The following MTMR3 variants were observed in gnomAD, a reference collection of about 807,000 sequenced individuals.
MTMR3 encodes myotubularin related protein 3.
A neutral mutation model predicts 132.4 loss-of-function variants in MTMR3; 32 were observed. That is an observed-to-expected ratio of 0.24 (90% CI 0.18 to 0.32). MTMR3 has a LOEUF of 0.32. Ranked by LOEUF, MTMR3 falls within the 10% of genes least tolerant of loss-of-function variation. The probability of loss-of-function intolerance (pLI) is 1.00; values close to 1 mark genes in which losing one functional copy is unlikely to be tolerated. For missense variants in MTMR3, 1,216 were observed against 1,489.6 expected (o/e 0.82, Z 3.02); for synonymous variants, 556 against 550.3 (o/e 1.01, Z -0.14).
intron 13 of MTMR3, 169 bp downstream of exon 13, chr22:30,012,732 T>C: frequency 1.6e-6 from 1 of 614,854 alleles, no homozygotes; most frequent in Non-Finnish European, 2.7e-6. Context: ...CTCCCACAGT[T>C]CTTGCACCTC....
chr22:30,013,457 C>T lies in MTMR3; in HGVS notation c.1419C>T (p.Cys473=). 2 of 1,614,146 alleles carry T rather than the reference C, an allele frequency of 1.2e-6. No individual in the cohort carries two copies. The highest frequency in any genetic ancestry group is 2.2e-5 in the South Asian group (2 of 91,076). Residue 473 remains cysteine (C), a synonymous_variant, in exon 14 of 20, where the codon TGC becomes TGT. Transcript: ENST00000401950. ...ACTCGGATGATCTGAATGAACGTTG[C>T]CCAGTGTTTCTGCAGTGGCTTGACT... ...GENSDDLNER[C]PVFLQWLDCV...
intron 1 of MTMR3, among the ~76,000 whole-genome samples, chr22:29,910,212 C>A (rs2065183599): frequency 6.6e-6 from 1 of 151,760 alleles, no homozygotes; most frequent in South Asian, 2.1e-4. Flanking sequence ...TAGGTACCCA[C>A]ACACCACTGA....
intron 1 of MTMR3, among the ~76,000 whole-genome samples, chr22:29,935,225 A>C (rs867605322): frequency 6.6e-5 from 10 of 152,214 alleles, no homozygotes; most frequent in South Asian, 2.1e-4. Context: ...TGGTAGAGCT[A>C]ATATGTATGT....
chr22:29,884,067 C>T (rs761453572), intron 1 of MTMR3, among the ~76,000 whole-genome samples: 1 of 152,256 alleles, frequency 6.6e-6, no homozygotes, highest in Non-Finnish European at 1.5e-5. Context: ...GACTGGAAAA[C>T]TTATGTCAAA....
chr22:30,019,234 T>C lies in MTMR3; in HGVS notation c.1821-246T>C, dbSNP rs74831915. ...AAAAAAAAAAGAAAATAGCACTTGC[T>C]GTTAGCTCATTTGTATGTATGGGGC... On this transcript the variant is annotated intron_variant, in intron 16 of 19. Transcript: ENST00000401950. 2.4e-5 allele frequency: 10 copies of C among 423,952 alleles called. 1 individual carries two copies. The South Asian group carries it at 5.1e-4, about 22-fold the overall frequency. The allele number at this position is 423,952 out of a possible 1,614,324, so 26.3% of individuals were successfully genotyped here. A position where few individuals can be genotyped will look rare whatever the true frequency, so the allele number is the denominator to read the frequency against.
rs115657221 is a variant in MTMR3, at chr22:30,022,184, T to G, written c.3336+45T>G. 1,919 of 1,491,806 alleles carry G rather than the reference T, an allele frequency of 1.3e-3. 16 individuals carry two copies. In the African/African-American group the frequency reaches 0.022, roughly 17 times the overall value. The allele number at this position is 1,491,806 out of a possible 1,614,324, so 92.4% of individuals were successfully genotyped here. ...TCTGAGTGCCATCAATTTAACTGTT[T>G]TGTGGTTCTTCTCCACCCCCATTCC... On this transcript the variant is annotated intron_variant, in intron 18 of 19. Coordinates refer to ENST00000401950, the MANE Select transcript of MTMR3 (RefSeq NM_021090.4).
intron 1 of MTMR3, among the ~76,000 whole-genome samples, chr22:29,952,133 T>C (rs1361182697): frequency 6.6e-6 from 1 of 152,156 alleles, no homozygotes; most frequent in African/African-American, 2.4e-5. Flanking sequence ...TGAAGCCATC[T>C]ACCCGCCTTG....
intron 1 of MTMR3, among the ~76,000 whole-genome samples, chr22:29,893,549 A>C (rs1307085744): frequency 6.6e-6 from 1 of 152,206 alleles, no homozygotes; most frequent in African/African-American, 2.4e-5. Flanking sequence ...TTTCTTGTAC[A>C]TATGGTTGAC....
chr22:30,029,003 G>C lies in MTMR3; in HGVS notation c.*3202G>C, dbSNP rs931694626. ...CAAATTAAAACACTGGCATGGCCTA[G>C]GAAGGGCGTTGCGAGCTCCTAAATG... On this transcript the variant is annotated 3_prime_UTR_variant, in exon 20 of 20. Coordinates refer to ENST00000401950, the MANE Select transcript of MTMR3 (RefSeq NM_021090.4). 1 of 152,426 alleles carries C rather than the reference G, an allele frequency of 6.6e-6. No homozygotes were observed. Among genetic ancestry groups the C allele is most frequent in the Non-Finnish European group, 1.5e-5 (1 of 68,088 alleles). The allele number at this position is 152,426 out of a possible 1,614,324, so 9.4% of individuals were successfully genotyped here. A position where few individuals can be genotyped will look rare whatever the true frequency, so the allele number is the denominator to read the frequency against.
At position 30,029,586 on chromosome 22, in the gene MTMR3, C is replaced by T. The variant is rs1396626156; in HGVS notation, c.*3785C>T. The T allele has an allele frequency of 6.6e-6, 1 of 152,246 alleles. No homozygotes were observed. Among genetic ancestry groups the T allele is most frequent in the Non-Finnish European group, 1.5e-5 (1 of 68,026 alleles). The allele number at this position is 152,246 out of a possible 1,614,324, so 9.4% of individuals were successfully genotyped here. Reference sequence around the variant, plus strand: ...TGCTTGCACATGAGGCTGGGAGATCCCATGCCTGTTGAAGTTAACTCTAGC... The same window carrying T: ...TGCTTGCACATGAGGCTGGGAGATCTCATGCCTGTTGAAGTTAACTCTAGC... On this transcript the variant is annotated 3_prime_UTR_variant, in exon 20 of 20. Coordinates refer to ENST00000401950, the MANE Select transcript of MTMR3 (RefSeq NM_021090.4).
At chr22:29,966,958 A>G (rs2066433466) in intron 2 of MTMR3, among the ~76,000 whole-genome samples, 1 of 152,080 alleles carries the variant, frequency 6.6e-6, no homozygotes, top group Non-Finnish European at 1.5e-5. Flanking sequence ...TGTTTCTTAC[A>G]TTCCAGTTTA....
chr22:29,942,153 G>C (rs2065868759), intron 1 of MTMR3, among the ~76,000 whole-genome samples: 1 of 152,104 alleles, frequency 6.6e-6, no homozygotes, highest in Non-Finnish European at 1.5e-5. Flanking sequence ...CAGCCAGTCT[G>C]AGAAATAAAG....
intron 1 of MTMR3, among the ~76,000 whole-genome samples, chr22:29,903,030 G>A (rs957350621): frequency 1.3e-5 from 2 of 152,098 alleles, no homozygotes; most frequent in South Asian, 4.1e-4. Context: ...CGAGGCCACC[G>A]CCTAGGCAAC....
At position 30,019,506 on chromosome 22, in the gene MTMR3, A is replaced by G. The variant is rs778003813; in HGVS notation, c.1847A>G (p.Asn616Ser). ...CTACCAAAGACTAGATCATACGACAATCTGACCACAGCCTGTGACAACACA... is the reference window on the plus strand; with the variant it reads ...CTACCAAAGACTAGATCATACGACAGTCTGACCACAGCCTGTGACAACACA... ...SRLPKTRSYD[N>S]LTTACDNTVP... is the part of the protein sequence containing the mutation. Residue 616 changes from asparagine to serine, a missense_variant, in exon 17 of 20, where the codon AAT (asparagine) becomes AGT (serine). Transcript: ENST00000401950. 1.1e-5 allele frequency: 17 copies of G among 1,608,280 alleles called. No homozygotes were observed. Among genetic ancestry groups the G allele is most frequent in the Admixed American group, 1.7e-5 (1 of 59,954 alleles).
At chr22:29,982,436 G>C (rs1168323936) in intron 5 of MTMR3, 1 of 151,922 alleles carries the variant, frequency 6.6e-6, no homozygotes, top group Non-Finnish European at 1.5e-5. Context: ...TAGCAAATAA[G>C]TATTTCAATA....
In MTMR3 at chr22:30,029,405, CTT is replaced by C. The variant is rs1220488845; in HGVS notation, c.*3607_*3608del. The C allele has an allele frequency of 3.9e-5, 6 of 152,328 alleles. No individual in the cohort carries two copies. The highest frequency in any genetic ancestry group is 5.9e-5 in the Non-Finnish European group (4 of 68,040). 9.4% of individuals were successfully genotyped at this position (152,328 alleles called of 1,614,324 possible). On this transcript the variant is annotated 3_prime_UTR_variant, in exon 20 of 20. Transcript: ENST00000401950. The stretch of plus-strand genomic sequence containing the variant: ...TAATAATTTTGCTTATATGCTAACT[CTT>C]TTCATGTTAGCAAAGAATATTCTAT...
intron 8 of MTMR3, chr22:29,999,718 A>G (rs1313381340): frequency 1.3e-5 from 2 of 152,266 alleles, no homozygotes; most frequent in Non-Finnish European, 2.9e-5. Context: ...ATTAAATATT[A>G]ATGTAACCTT....
chr22:29,990,580 T>G (rs2066942544), intron 6 of MTMR3: 1 of 152,158 alleles, frequency 6.6e-6, no homozygotes, highest in East Asian at 1.9e-4. Flanking sequence ...AATCTTTATT[T>G]TTATTTATTT....
chr22:29,908,345 G>A (rs5752979), intron 1 of MTMR3, among the ~76,000 whole-genome samples: 142,958 of 152,336 alleles, frequency 0.94, 67,167 homozygotes, highest in East Asian at 1. Flanking sequence ...ACTGCTTCCT[G>A]CTAGAACAGA....
Sources: gnomAD v4.1 joint callset for allele counts (sites outside exome capture counted in the v4.1 genomes callset) on GRCh38, gnomAD v4.1.1 for gene constraint, MANE v1.5 for transcripts, NCBI Gene and HGNC (gene_info 2026-07-23, HGNC 2026-07-21) for gene names.